GRB14: variants seen among roughly 807,000 people sequenced by gnomAD.
The protein encoded by GRB14 is growth factor receptor-bound protein 14.
In GRB14, 38 loss-of-function variants were observed where a neutral mutation model predicts 69.1. The observed-to-expected ratio is 0.55, with a 90% CI of 0.42 to 0.72. GRB14 has a LOEUF of 0.72. Among genes scored for constraint, GRB14 ranks in the 30% least tolerant of loss-of-function variants. The probability of loss-of-function intolerance (pLI) is 0.00; values close to 1 mark genes in which losing one functional copy is unlikely to be tolerated. For missense variants in GRB14, 666 were observed against 666.1 expected, an observed-to-expected ratio of 1.00 and a Z score of 0.00; for synonymous variants, 247 against 241.3, an observed-to-expected ratio of 1.02 and a Z score of -0.22.
intron 2 of GRB14, among the ~76,000 whole-genome samples, chr2:164,563,929 T>C (rs1688897747): frequency 6.6e-6 from 1 of 152,154 alleles, no homozygotes; most frequent in South Asian, 2.1e-4. Context: ...AAAGTCATAT[T>C]GTACACACCT....
intron 2 of GRB14, among the ~76,000 whole-genome samples, chr2:164,588,190 AC>A (rs1223130645): frequency 6.6e-6 from 1 of 152,162 alleles, no homozygotes; most frequent in East Asian, 1.9e-4. Flanking sequence ...TCACATGAAA[AC>A]CTTTTTATTA....
chr2:164,588,799 T>C (rs552858938), intron 2 of GRB14, among the ~76,000 whole-genome samples: 1 of 152,314 alleles, frequency 6.6e-6, no homozygotes, highest in South Asian at 2.1e-4. Flanking sequence ...CATTATTTTC[T>C]GGCATAAATA....
intron 5 of GRB14, among the ~76,000 whole-genome samples, chr2:164,523,497 GTGTAACAC>G (rs1008485540): frequency 6.6e-6 from 1 of 151,714 alleles, no homozygotes; most frequent in African/African-American, 2.4e-5. Flanking sequence ...AACTAAAATA[GTGTAACAC>G]ATTTTAAAAG....
intron 2 of GRB14, among the ~76,000 whole-genome samples, chr2:164,604,066 G>A (rs1305547861): frequency 1.3e-5 from 2 of 152,144 alleles, no homozygotes; most frequent in Non-Finnish European, 2.9e-5. Context: ...CACCACATTG[G>A]CAAAAACTTT....
chr2:164,590,985 A>C (rs1689647979), intron 2 of GRB14, among the ~76,000 whole-genome samples: 1 of 152,212 alleles, frequency 6.6e-6, no homozygotes, highest in African/African-American at 2.4e-5. Context: ...TTGTTAACAC[A>C]GCAAAATTAT....
intron 2 of GRB14, among the ~76,000 whole-genome samples, chr2:164,564,341 G>A (rs1270147346): frequency 6.6e-6 from 1 of 152,236 alleles, no homozygotes; most frequent in Non-Finnish European, 1.5e-5. Context: ...AAATGCTAAG[G>A]AAGCCTGGAC....
chr2:164,541,350 T>C (rs1189219174), intron 3 of GRB14, among the ~76,000 whole-genome samples: 1 of 151,886 alleles, frequency 6.6e-6, no homozygotes, highest in Non-Finnish European at 1.5e-5. Flanking sequence ...TGGGTGCCTG[T>C]AATCTCAGCT....
intron 6 of GRB14, among the ~76,000 whole-genome samples, chr2:164,519,332 G>C (rs1165496193): frequency 6.6e-6 from 1 of 152,014 alleles, no homozygotes; most frequent in Non-Finnish European, 1.5e-5. Context: ...AAAAACTTCA[G>C]CAAAATTGGC....
intron 2 of GRB14, among the ~76,000 whole-genome samples, chr2:164,601,077 T>C (rs955743719): frequency 1.6e-4 from 24 of 152,284 alleles, no homozygotes; most frequent in Admixed American, 1.3e-3. Flanking sequence ...CTGACTTAAA[T>C]CTCAGTTAAA....
chr2:164,547,540 C>T, intron 3 of GRB14, 120 bp downstream of exon 3: 1 of 681,986 alleles, frequency 1.5e-6, no homozygotes, highest in South Asian at 3.0e-5. Context: ...GAACTGGGAT[C>T]ACCTACAAGA....
intron 2 of GRB14, among the ~76,000 whole-genome samples, chr2:164,548,923 G>T (rs1427715305): frequency 6.6e-6 from 1 of 152,038 alleles, no homozygotes; most frequent in Admixed American, 6.6e-5. Context: ...TGTTGCACAG[G>T]CTGGAGTGCA....
chr2:164,561,177 T>C (rs886704945), intron 2 of GRB14, among the ~76,000 whole-genome samples: 3 of 152,016 alleles, frequency 2.0e-5, no homozygotes, highest in Admixed American at 2.0e-4. Context: ...ACTGTACTCA[T>C]GGGGGTTCAG....
At position 164,538,880 on chromosome 2, in the gene GRB14, G is replaced by A. The variant is rs377114891; in HGVS notation, c.481+8780C>T. ...ACTGGGTTGGCTCAGTTCAATCTCA[G>A]TAATTTCATTACCACCTGGGTTAGG... is the stretch of plus-strand genomic sequence containing the variant. On this transcript the variant is annotated intron_variant, in intron 3 of 13. Transcript: ENST00000263915. Among the ~76,000 whole-genome samples the A allele has an allele frequency of 2.2e-4, 33 of 152,178 alleles. No individual in the cohort carries two copies. The East Asian group carries it at 6.2e-3, about 28-fold the overall frequency.
In GRB14 at chr2:164,621,084, C is replaced by T; in HGVS notation, c.191+35G>A. ...CTCACCCCCTCGCCGGCTGCCCAGC[C>T]AGGACACTCCCCCGCGCCCTCCAGG... On this transcript the variant is annotated intron_variant, in intron 1 of 13. Coordinates refer to ENST00000263915, the MANE Select transcript of GRB14 (RefSeq NM_004490.3). The surrounding 1 kb of genome is among the most constrained non-coding windows in gnomAD (Gnocchi z 6.0). 8.0e-7 allele frequency: 1 copy of T among 1,245,116 alleles called. No homozygotes were observed. Among genetic ancestry groups the T allele is most frequent in the Non-Finnish European group, 1.0e-6 (1 of 987,708 alleles). The allele number at this position is 1,245,116 out of a possible 1,614,324, so 77.1% of individuals were successfully genotyped here. A position where few individuals can be genotyped will look rare whatever the true frequency, so the allele number is the denominator to read the frequency against.
rs16849552 is a variant in GRB14, at chr2:164,509,419, A to G, written c.817-567T>C. Reference sequence around the variant, plus strand: ...CTGTACAGATAGATGAGTTCAGGGAAATTAGCTGGCAGAGGAATGTTTCTG... The same window carrying G: ...CTGTACAGATAGATGAGTTCAGGGAGATTAGCTGGCAGAGGAATGTTTCTG... On this transcript the variant is annotated intron_variant, in intron 6 of 13. Transcript: ENST00000263915. Among the ~76,000 whole-genome samples, 905 of 152,292 alleles carry G rather than the reference A, an allele frequency of 5.9e-3. 64 individuals are homozygous for G. In the East Asian group the frequency reaches 0.16, roughly 27 times the overall value.
intron 2 of GRB14, among the ~76,000 whole-genome samples, chr2:164,565,284 A>G (rs1224155688): frequency 8.1e-6 from 1 of 122,904 alleles, no homozygotes; most frequent in Non-Finnish European, 2.0e-5. Flanking sequence ...ACACTCACAC[A>G]CACACACACA....
intron 2 of GRB14, among the ~76,000 whole-genome samples, chr2:164,557,675 C>T (rs1164811896): frequency 1.3e-5 from 2 of 152,194 alleles, no homozygotes; most frequent in Non-Finnish European, 2.9e-5. Context: ...CTGACCAAGG[C>T]TCTTTCTGTC....
intron 2 of GRB14, among the ~76,000 whole-genome samples, chr2:164,615,069 C>T (rs191138777): frequency 2.4e-4 from 36 of 152,186 alleles, no homozygotes; most frequent in African/African-American, 8.4e-4. Flanking sequence ...AGGGACAGGA[C>T]ACATTGAGAC....
chr2:164,537,874 G>A (rs1688119117), intron 3 of GRB14, among the ~76,000 whole-genome samples: 1 of 152,108 alleles, frequency 6.6e-6, no homozygotes, highest in Admixed American at 6.5e-5. Flanking sequence ...ATGTCCCAAA[G>A]GCTTCACAAT....
Sources: allele counts gnomAD v4.1 joint callset (sites outside exome capture counted in the v4.1 genomes callset), GRCh38; gene constraint gnomAD v4.1.1; non-coding constraint Gnocchi (gnomAD v3.1); transcripts MANE v1.5; gene names NCBI Gene and HGNC (gene_info 2026-07-23, HGNC 2026-07-21).